ZFHX3: variants seen among roughly 807,000 people sequenced by gnomAD.
ZFHX3 encodes zinc finger homeobox 3, also known as zinc finger homeobox protein 3.
ZFHX3 carries 42 observed loss-of-function variants against 279.1 expected under a neutral mutation model. That is an observed-to-expected ratio of 0.15 (90% confidence interval 0.12 to 0.19). ZFHX3 has a LOEUF of 0.19. ZFHX3 is among the 10% of genes least tolerant of loss of function. The pLI is 1.00. For synonymous variants in ZFHX3, 2,293 were observed against 1,957.8 expected (o/e 1.17, Z -4.52); for missense variants, 4,981 against 4,754.0 (o/e 1.05, Z -1.40).
chr16:73,594,226 T>C (rs2052026671), intron 2 of ZFHX3, among the ~76,000 whole-genome samples: 1 of 152,168 alleles, frequency 6.6e-6, no homozygotes, highest in South Asian at 2.1e-4. Context: ...AATTGAGTTA[T>C]CAAATTAAAT....
intron 1 of ZFHX3, among the ~76,000 whole-genome samples, chr16:73,732,417 T>C (rs1213370138): frequency 6.6e-6 from 1 of 152,194 alleles, no homozygotes; most frequent in African/African-American, 2.4e-5. Context: ...AAAAGAAATA[T>C]TGCCTTTGAG....
At chr16:73,702,540 T>C (rs909449731) in intron 1 of ZFHX3, among the ~76,000 whole-genome samples, 8 of 152,080 alleles carry the variant, frequency 5.3e-5, no homozygotes, top group African/African-American at 1.9e-4. Flanking sequence ...GGAATAAAAA[T>C]CGCATGAGAT....
chr16:73,002,120 A>G (rs1195090215), intron 1 of ZFHX3, among the ~76,000 whole-genome samples: 1 of 152,160 alleles, frequency 6.6e-6, no homozygotes, highest in Admixed American at 6.5e-5. Context: ...ACTTTCTTTT[A>G]CAGATAAAGC....
At chr16:73,084,514 A>ATTTTTTTT (rs34134596) in intron 8 of ZFHX3, among the ~76,000 whole-genome samples, 3 of 92,660 alleles carry the variant, frequency 3.2e-5, no homozygotes, top group African/African-American at 8.1e-5. Flanking sequence ...CTAGGACTAA[A>ATTTTTTTT]TTTTTTTTTT....
At chr16:73,295,966 G>A (rs1006481384) in intron 4 of ZFHX3, among the ~76,000 whole-genome samples, 1 of 151,896 alleles carries the variant, frequency 6.6e-6, no homozygotes, top group Non-Finnish European at 1.5e-5. Flanking sequence ...CAGGAATGGT[G>A]CCCCAGCCAC....
intron 1 of ZFHX3, among the ~76,000 whole-genome samples, chr16:73,719,713 A>C (rs958474640): frequency 6.6e-6 from 1 of 151,962 alleles, no homozygotes; most frequent in African/African-American, 2.4e-5. Flanking sequence ...GGCTCACTGC[A>C]ACCTCCGCCT....
chr16:73,239,329 T>C (rs1212487148), intron 5 of ZFHX3, among the ~76,000 whole-genome samples: 1 of 152,150 alleles, frequency 6.6e-6, no homozygotes, highest in African/African-American at 2.4e-5. Context: ...CTTTAGGTGT[T>C]TGCTGATGTG....
rs1379663315 is a variant in ZFHX3 at position 72,784,669 on chromosome 16, A to G, written c.*2495T>C. The G allele has an allele frequency of 2.6e-5, 4 of 152,530 alleles. No homozygotes were observed. Among genetic ancestry groups the G allele is most frequent in the Admixed American group, 1.3e-4 (2 of 15,272 alleles). 9.4% of individuals were successfully genotyped at this position (152,530 alleles called of 1,614,324 possible). ...AGGAAGAAATACAAGATTTCTTGTT[A>G]AAAGGAAATAGCTTGTTAAAACAGT... On this transcript the variant is annotated 3_prime_UTR_variant, in exon 10 of 10. Coordinates refer to ENST00000268489, the MANE Select transcript of ZFHX3 (RefSeq NM_006885.4).
At chr16:72,883,911 G>A (rs893916196) in intron 4 of ZFHX3, among the ~76,000 whole-genome samples, 13 of 152,116 alleles carry the variant, frequency 8.5e-5, no homozygotes, top group Admixed American at 5.2e-4. Context: ...GAGAAAGAGC[G>A]TGGGTGTGCT....
At chr16:73,769,361 T>G (rs938360507) in intron 1 of ZFHX3, among the ~76,000 whole-genome samples, 6 of 152,174 alleles carry the variant, frequency 3.9e-5, no homozygotes, top group African/African-American at 1.4e-4. Flanking sequence ...AACGAGCTCT[T>G]TCAGATTGAT....
intron 3 of ZFHX3, among the ~76,000 whole-genome samples, chr16:73,431,286 T>A (rs957671978): frequency 4.6e-5 from 7 of 152,034 alleles, no homozygotes; most frequent in African/African-American, 1.7e-4. Context: ...ACGCCTGTAA[T>A]CCCAGCATTT....
chr16:72,926,632 G>T (rs1411662998), intron 3 of ZFHX3, among the ~76,000 whole-genome samples: 1 of 152,160 alleles, frequency 6.6e-6, no homozygotes, highest in Non-Finnish European at 1.5e-5. Flanking sequence ...CTCAGCACGT[G>T]GGAGATAGGT....
chr16:73,854,066 C>A (rs978210502), intron 1 of ZFHX3, among the ~76,000 whole-genome samples: 4 of 152,098 alleles, frequency 2.6e-5, no homozygotes, highest in Admixed American at 1.3e-4. Flanking sequence ...ATTTTGCTTG[C>A]GAGTAGAGTC....
chr16:73,395,919 G>A lies in ZFHX3; in HGVS notation c.-1291+60084C>T, dbSNP rs945987211. 2.0e-5 allele frequency among the ~76,000 whole-genome samples: 3 copies of A among 152,178 alleles called. No homozygotes were observed. The East Asian group carries it at 5.8e-4, about 29-fold the overall frequency. On this transcript the variant is annotated intron_variant, in intron 3 of 17. Coordinates refer to the ZFHX3 transcript ENST00000641206. ...CAGTTGTCCCACAGGACTTTGTTAA[G>A]TATGCTTATATGTACATCTTAGAGT...
chr16:73,133,726 C>T (rs1966738671), intron 6 of ZFHX3, among the ~76,000 whole-genome samples: 2 of 152,288 alleles, frequency 1.3e-5, no homozygotes, highest in South Asian at 4.1e-4. Context: ...GTGGTACTTT[C>T]TTTGTGGTAT....
intron 6 of ZFHX3, among the ~76,000 whole-genome samples, chr16:73,131,679 G>T (rs1467894806): frequency 2.0e-5 from 3 of 152,214 alleles, no homozygotes; most frequent in Non-Finnish European, 4.4e-5. Flanking sequence ...CCTGGGGCCA[G>T]TACAAGATCT....
chr16:73,214,420 C>T (rs1229397586), intron 5 of ZFHX3, among the ~76,000 whole-genome samples: 1 of 151,942 alleles, frequency 6.6e-6, no homozygotes, highest in Admixed American at 6.6e-5. Context: ...GCCTTCAATA[C>T]AATTCATTGC....
chr16:73,281,151 A>C (rs918765236), intron 4 of ZFHX3, among the ~76,000 whole-genome samples: 3 of 152,158 alleles, frequency 2.0e-5, no homozygotes, highest in African/African-American at 7.2e-5. Flanking sequence ...TAGGAATTGA[A>C]ATCAGTATGA....
intron 3 of ZFHX3, among the ~76,000 whole-genome samples, chr16:73,378,028 C>A (rs2016752531): frequency 4.6e-5 from 1 of 21,532 alleles, no homozygotes; most frequent in Non-Finnish European, 1.2e-4. Flanking sequence ...GAGACTCTGT[C>A]TCAAAAAAAA....
Sources: gnomAD v4.1 joint callset for allele counts (sites outside exome capture counted in the v4.1 genomes callset) on GRCh38, gnomAD v4.1.1 for gene constraint, MANE v1.5 for transcripts, NCBI Gene and HGNC (gene_info 2026-07-23, HGNC 2026-07-21) for gene names.